Variants in SLC17A5 observed in about 807,000 individuals in gnomAD.
SLC17A5 encodes sialin.
A neutral mutation model predicts 59.4 loss-of-function variants in SLC17A5; 47 were observed. The ratio of observed to expected loss-of-function variants is 0.79; its 90% CI spans 0.63 to 1.01. SLC17A5 has a LOEUF of 1.01. Ranked by LOEUF, SLC17A5 falls within the 50% of genes least tolerant of loss-of-function variation. The pLI, the probability that SLC17A5 is intolerant of heterozygous loss-of-function variation, is 0.00. For synonymous variants in SLC17A5, 202 were observed against 210.7 expected, an observed-to-expected ratio of 0.96 and a Z score of 0.36; for missense variants, 522 against 595.5, an observed-to-expected ratio of 0.88 and a Z score of 1.28.
At chr6:73,608,478 G>A (rs1767496697) in intron 9 of SLC17A5, among the ~76,000 whole-genome samples, 1 of 152,166 alleles carries the variant, frequency 6.6e-6, no homozygotes, top group East Asian at 1.9e-4. Flanking sequence ...AAGACAGAGA[G>A]TGAGAAAGAA....
At chr6:73,635,323 C>T (rs141477235) in intron 6 of SLC17A5, 59 bp downstream of exon 6, 1 of 942,708 alleles carries the variant, frequency 1.1e-6, no homozygotes, top group African/African-American at 1.6e-5. Context: ...AAACTGATAT[C>T]TTAATTCTGA....
intron 1 of SLC17A5, among the ~76,000 whole-genome samples, chr6:73,648,186 T>G (rs1769674522): frequency 6.6e-6 from 1 of 152,216 alleles, no homozygotes; most frequent in African/African-American, 2.4e-5. Flanking sequence ...TGATTACAAA[T>G]ATATTCAATC....
At chr6:73,638,033 A>G (rs888853651) in intron 4 of SLC17A5, among the ~76,000 whole-genome samples, 1 of 152,150 alleles carries the variant, frequency 6.6e-6, no homozygotes, top group African/African-American at 2.4e-5. Context: ...AAAAACACTC[A>G]ATTTTCTAGC....
intron 9 of SLC17A5, among the ~76,000 whole-genome samples, chr6:73,603,529 T>C (rs1767256174): frequency 6.6e-6 from 1 of 151,650 alleles, no homozygotes; most frequent in Non-Finnish European, 1.5e-5. Context: ...CAAGTGATTC[T>C]CCTTCCTCAG....
intron 9 of SLC17A5, among the ~76,000 whole-genome samples, chr6:73,606,094 G>C (rs1404530710): frequency 1.3e-5 from 2 of 151,954 alleles, no homozygotes; most frequent in Non-Finnish European, 2.9e-5. Flanking sequence ...CCAGGCTGGA[G>C]TGCAGTAGCA....
chr6:73,637,987 ATTAG>A (rs1769100248), intron 4 of SLC17A5, among the ~76,000 whole-genome samples: 1 of 152,196 alleles, frequency 6.6e-6, no homozygotes, highest in African/African-American at 2.4e-5. Flanking sequence ...TGATACATTC[ATTAG>A]TTAATCAAAA....
rs576473997 is a variant in SLC17A5, at chr6:73,609,533, G to C, written c.1259+867C>G. Among the ~76,000 whole-genome samples the C allele has an allele frequency of 2.7e-5, 4 of 150,468 alleles. No individual in the cohort carries two copies. The East Asian group carries it at 7.9e-4, about 30-fold the overall frequency. ...AATATATTTGCACATAGGTAATATA[G>C]TTAGACAAATCAATTGGGTCTACTC... On this transcript the variant is annotated intron_variant, in intron 9 of 10. Coordinates refer to ENST00000355773, the MANE Select transcript of SLC17A5 (RefSeq NM_012434.5).
At chr6:73,646,705 G>T (rs960401578) in intron 1 of SLC17A5, among the ~76,000 whole-genome samples, 3 of 151,290 alleles carry the variant, frequency 2.0e-5, no homozygotes, top group Non-Finnish European at 4.4e-5. Flanking sequence ...ACAGGGTCTT[G>T]CTCTGTTGCC....
Position 73,653,875 on chromosome 6 carries a change from C to G in SLC17A5, c.12G>C (p.Pro4=), listed in dbSNP as rs1769990764. The G allele has an allele frequency of 3.7e-6, 6 of 1,606,514 alleles. No individual in the cohort carries two copies. The Admixed American group carries it at 6.7e-5, about 18-fold the overall frequency. The part of the protein sequence containing the change: MRS[P]VRDLARNDGE... The stretch of plus-strand genomic sequence containing the variant: ...CATCGTTCCGGGCCAGGTCTCGAAC[C>G]GGAGACCTCATGACGCCTACGTGAG... The change falls in exon 1 of 11, where the codon CCG becomes CCC. Residue 4 remains proline (P), a synonymous_variant. Transcript: ENST00000355773.
intron 1 of SLC17A5, among the ~76,000 whole-genome samples, chr6:73,651,801 C>G (rs568508204): frequency 0.014 from 2,150 of 152,226 alleles, 64 homozygotes; most frequent in African/African-American, 0.049. Flanking sequence ...GATCCGCCCG[C>G]CTCGGCCTCC....
At chr6:73,632,953 A>G (rs1413064742) in intron 6 of SLC17A5, among the ~76,000 whole-genome samples, 1 of 152,094 alleles carries the variant, frequency 6.6e-6, no homozygotes, top group Non-Finnish European at 1.5e-5. Flanking sequence ...GGGTAACTCA[A>G]TTAACATCAG....
At chr6:73,621,291 G>C (rs979200000) in intron 7 of SLC17A5, among the ~76,000 whole-genome samples, 2 of 152,118 alleles carry the variant, frequency 1.3e-5, no homozygotes, top group Admixed American at 6.6e-5. Context: ...AGGCGTGAGC[G>C]ACCGCGCCTG....
rs71558910 is a variant in SLC17A5, at chr6:73,602,443, AT to A, written c.1260-2003del. ...CACCCAAGAATGATCAATAAAAAAAATAAAAATTAACAACAACAACAACAAC... is the reference window on the plus strand; with the variant it reads ...CACCCAAGAATGATCAATAAAAAAAAAAAAATTAACAACAACAACAACAAC... On this transcript the variant is annotated intron_variant, in intron 9 of 10. Coordinates refer to ENST00000355773, the MANE Select transcript of SLC17A5 (RefSeq NM_012434.5). Among the ~76,000 whole-genome samples, 1,281 of 134,016 alleles carry A rather than the reference AT, an allele frequency of 9.6e-3. 11 individuals carry two copies. Among genetic ancestry groups the A allele is most frequent in the African/African-American group, 0.013 (458 of 34,102 alleles). 87.9% of individuals were successfully genotyped at this position (134,016 alleles called of 152,430 possible). A position where few individuals can be genotyped will look rare whatever the true frequency, so the allele number is the denominator to read the frequency against.
intron 1 of SLC17A5, among the ~76,000 whole-genome samples, chr6:73,649,856 A>C (rs1769763199): frequency 6.6e-6 from 1 of 152,108 alleles, no homozygotes; most frequent in Non-Finnish European, 1.5e-5. Context: ...GAAATTGTTG[A>C]AGAGAGTGGG....
At chr6:73,644,935 T>G (rs1769470844) in intron 1 of SLC17A5, among the ~76,000 whole-genome samples, 1 of 152,186 alleles carries the variant, frequency 6.6e-6, no homozygotes, top group African/African-American at 2.4e-5. Flanking sequence ...ATCTGTAGTT[T>G]TGGTAAAAAT....
chr6:73,641,633 A>C, intron 3 of SLC17A5, 58 bp downstream of exon 3: 2 of 1,260,602 alleles, frequency 1.6e-6, no homozygotes, highest in Non-Finnish European at 2.2e-6. Flanking sequence ...TGACATCTTT[A>C]AGAAGAAGAG....
intron 6 of SLC17A5, among the ~76,000 whole-genome samples, chr6:73,628,125 C>T (rs1768524942): frequency 6.6e-6 from 1 of 152,028 alleles, no homozygotes; most frequent in African/African-American, 2.4e-5. Flanking sequence ...CCCTATGTTG[C>T]CCAGGCAGGT....
At chr6:73,607,936 C>G (rs1307560399) in intron 9 of SLC17A5, among the ~76,000 whole-genome samples, 1 of 151,650 alleles carries the variant, frequency 6.6e-6, no homozygotes, top group Admixed American at 6.6e-5. Context: ...GCCATCACAC[C>G]CTGCTAATTT....
At chr6:73,653,765 G>A in intron 1 of SLC17A5, 28 bp downstream of exon 1, 1 of 1,551,684 alleles carries the variant, frequency 6.4e-7, no homozygotes. Context: ...CTGCCCACTC[G>A]AAGCCCCTGG....
Sources: allele counts gnomAD v4.1 joint callset (sites outside exome capture counted in the v4.1 genomes callset), GRCh38; gene constraint gnomAD v4.1.1; transcripts MANE v1.5; gene names NCBI Gene and HGNC (gene_info 2026-07-23, HGNC 2026-07-21).